The following DPP6 variants were observed in gnomAD, a reference collection of about 807,000 sequenced individuals.
The protein encoded by DPP6 is dipeptidyl peptidase like 6.
A neutral mutation model predicts 122.6 loss-of-function variants in DPP6; 69 were observed. The ratio of observed to expected loss-of-function variants is 0.56; its 90% CI spans 0.46 to 0.69. The LOEUF (loss-of-function observed/expected upper bound fraction) is 0.69, where lower values mean the gene tolerates loss of function less well. DPP6 is among the 30% of genes least tolerant of loss of function. The pLI is 0.00. For synonymous variants in DPP6, 418 were observed against 433.1 expected, an observed-to-expected ratio of 0.97 and a Z score of 0.43; for missense variants, 928 against 1,116.9, an observed-to-expected ratio of 0.83 and a Z score of 2.41.
At chr7:154,104,253 C>G (rs1378001197) in intron 1 of DPP6, among the ~76,000 whole-genome samples, 2 of 152,154 alleles carry the variant, frequency 1.3e-5, no homozygotes, top group East Asian at 1.9e-4. Flanking sequence ...GCAGCTGCCC[C>G]GGACGGGAAG....
At chr7:153,991,038 C>T (rs1428165034) in intron 1 of DPP6, among the ~76,000 whole-genome samples, 4 of 152,236 alleles carry the variant, frequency 2.6e-5, no homozygotes, top group African/African-American at 9.6e-5. Context: ...TAAAGGGGTC[C>T]CTAGAATGAT....
intron 1 of DPP6, among the ~76,000 whole-genome samples, chr7:154,417,651 C>A (rs1212199795): frequency 3.3e-5 from 5 of 152,158 alleles, no homozygotes; most frequent in Non-Finnish European, 5.9e-5. Flanking sequence ...TCTCTCAAGT[C>A]GGACAGTTCA....
rs1807612151 is a variant in DPP6 at position 154,123,052 on chromosome 7, G to A, written c.243+69989G>A. Among the ~76,000 whole-genome samples the A allele has an allele frequency of 2.6e-5, 4 of 152,228 alleles. No homozygotes were observed. The South Asian group carries it at 8.3e-4, about 32-fold the overall frequency. ...CCGAAAAATCAGAATCGTATCAAAGGGTCGGACACCTGGACTGGCAAGACA... is the reference window on the plus strand; with the variant it reads ...CCGAAAAATCAGAATCGTATCAAAGAGTCGGACACCTGGACTGGCAAGACA... On this transcript the variant is annotated intron_variant, in intron 1 of 25. Coordinates refer to ENST00000377770, the MANE Select transcript of DPP6 (RefSeq NM_130797.4).
the DPP6 span, among the ~76,000 whole-genome samples, chr7:153,828,874 T>G: frequency 6.6e-6 from 1 of 152,208 alleles, no homozygotes; most frequent in African/African-American, 2.4e-5. Context: ...TTATAAATAA[T>G]ACTAAAACCA....
chr7:154,150,315 A>G (rs1212275423), intron 1 of DPP6, among the ~76,000 whole-genome samples: 1 of 152,146 alleles, frequency 6.6e-6, no homozygotes, highest in Non-Finnish European at 1.5e-5. Context: ...CTTGACTTAC[A>G]GAGGAAGCCC....
intron 1 of DPP6, among the ~76,000 whole-genome samples, chr7:154,335,825 G>C (rs932397064): frequency 1.3e-5 from 2 of 152,094 alleles, no homozygotes; most frequent in Non-Finnish European, 2.9e-5. Context: ...TGCATGGGAT[G>C]AGTCTGTGGG....
chr7:154,201,916 A>G (rs545237098), intron 1 of DPP6, among the ~76,000 whole-genome samples: 18 of 152,314 alleles, frequency 1.2e-4, no homozygotes, highest in African/African-American at 4.3e-4. Context: ...TTTTTGTTAA[A>G]TCATTGCAAT....
At chr7:153,942,292 G>A (rs976896682) in intron 1 of DPP6, among the ~76,000 whole-genome samples, 4 of 152,278 alleles carry the variant, frequency 2.6e-5, no homozygotes, top group Non-Finnish European at 1.5e-5. Context: ...CTCTCCTTGC[G>A]ACTTACAAGA....
the DPP6 span, among the ~76,000 whole-genome samples, chr7:153,828,636 T>C: frequency 6.6e-6 from 1 of 152,188 alleles, no homozygotes. Flanking sequence ...TGGAAATAGG[T>C]ATGCAAACAT....
intron 4 of DPP6, among the ~76,000 whole-genome samples, chr7:154,558,063 C>T (rs756693931): frequency 6.6e-6 from 1 of 152,042 alleles, no homozygotes; most frequent in Non-Finnish European, 1.5e-5. Flanking sequence ...CCATCACCTA[C>T]ATTAGGGATT....
intron 1 of DPP6, among the ~76,000 whole-genome samples, chr7:154,385,024 G>A (rs1459620530): frequency 6.6e-6 from 1 of 152,106 alleles, no homozygotes; most frequent in Admixed American, 6.5e-5. Flanking sequence ...GCCCAGGAGT[G>A]CAGTGGTGCG....
At chr7:154,587,253 T>A in intron 5 of DPP6, 1 of 259,268 alleles carries the variant, frequency 3.9e-6, no homozygotes, top group East Asian at 9.6e-5. Context: ...AGCTCACTCC[T>A]TTTGTCTGAC....
intron 1 of DPP6, among the ~76,000 whole-genome samples, chr7:154,419,455 C>G (rs1196936496): frequency 6.6e-6 from 1 of 152,214 alleles, no homozygotes; most frequent in East Asian, 1.9e-4. Context: ...TGCTTGAGAA[C>G]AGAGCGTCCT....
the DPP6 span, among the ~76,000 whole-genome samples, chr7:153,867,322 T>G: frequency 6.6e-6 from 1 of 152,196 alleles, no homozygotes; most frequent in Non-Finnish European, 1.5e-5. Flanking sequence ...CTCTTTTATT[T>G]CATTGAGTAG....
At chr7:154,211,441 C>T (rs1480309429) in intron 1 of DPP6, among the ~76,000 whole-genome samples, 1 of 152,136 alleles carries the variant, frequency 6.6e-6, no homozygotes, top group Non-Finnish European at 1.5e-5. Context: ...CTTCCCGACC[C>T]CTTCGCTCTG....
chr7:154,078,385 CA>C (rs1803725584), intron 1 of DPP6, among the ~76,000 whole-genome samples: 1 of 144,072 alleles, frequency 6.9e-6, no homozygotes, highest in Non-Finnish European at 1.5e-5. Flanking sequence ...CACACACACA[CA>C]CACCATTTTA....
Position 154,147,489 on chromosome 7 carries a change from C to T in DPP6, c.243+94426C>T, listed in dbSNP as rs200137549. Among the ~76,000 whole-genome samples the T allele has an allele frequency of 7.4e-4, 77 of 103,462 alleles. 1 individual carries two copies. Among genetic ancestry groups the T allele is most frequent in the African/African-American group, 3.7e-3 (76 of 20,490 alleles). The allele number at this position is 103,462 out of a possible 152,430, so 67.9% of individuals were successfully genotyped here. A position where few individuals can be genotyped will look rare whatever the true frequency, so the allele number is the denominator to read the frequency against. ...TCCTTCCTTCCTTCCTTCCTTCCTT[C>T]CTTTCTTTTTCTGTCGGAGTCTTAC... is the stretch of plus-strand genomic sequence containing the variant. On this transcript the variant is annotated intron_variant, in intron 1 of 25. Coordinates refer to ENST00000377770, the MANE Select transcript of DPP6 (RefSeq NM_130797.4).
rs373894552 is a variant in DPP6, at chr7:154,800,936, A to G, written c.1300-419A>G. Among the ~76,000 whole-genome samples the G allele has an allele frequency of 4.6e-5, 7 of 152,326 alleles. No homozygotes were observed. The East Asian group carries it at 1.2e-3, about 25-fold the overall frequency. On this transcript the variant is annotated intron_variant, in intron 12 of 25. Coordinates refer to ENST00000377770, the MANE Select transcript of DPP6 (RefSeq NM_130797.4). ...TGAGAATTATGTTTTTTTCTGATAT[A>G]TAATAAATGCCACTGGAGAAATCTC...
intron 3 of DPP6, among the ~76,000 whole-genome samples, chr7:154,502,190 G>A (rs917090294): frequency 1.3e-5 from 2 of 152,068 alleles, no homozygotes; most frequent in African/African-American, 2.4e-5. Context: ...GATTTTACAC[G>A]CTAATAGACA....
Sources: allele counts gnomAD v4.1 joint callset (sites outside exome capture counted in the v4.1 genomes callset), GRCh38; gene constraint gnomAD v4.1.1; transcripts MANE v1.5; gene names NCBI Gene and HGNC (gene_info 2026-07-23, HGNC 2026-07-21).